SATB2: variants seen among roughly 807,000 people sequenced by gnomAD.
SATB2 encodes DNA-binding protein SATB2.
SATB2 carries 1 observed loss-of-function variant against 73.4 expected under a neutral mutation model. That is an observed-to-expected ratio of 0.01 (90% confidence interval 0.00 to 0.06). The LOEUF (loss-of-function observed/expected upper bound fraction) is 0.06. SATB2 is among the 10% of genes least tolerant of loss of function. The probability of loss-of-function intolerance (pLI) is 1.00; values close to 1 mark genes in which losing one functional copy is unlikely to be tolerated. For synonymous variants in SATB2, 397 were observed against 367.0 expected, an observed-to-expected ratio of 1.08 and a Z score of -0.93; for missense variants, 459 against 945.8, an observed-to-expected ratio of 0.49 and a Z score of 6.75.
upstream of SATB2, among the ~76,000 whole-genome samples, chr2:199,465,595 C>T (rs1469350708): frequency 6.6e-6 from 1 of 152,154 alleles, no homozygotes; most frequent in African/African-American, 2.4e-5. Context: ...ATATAAAAGA[C>T]CTTTCATGAA....
chr2:199,459,617 C>T (rs1692420132), upstream of SATB2: 5 of 152,824 alleles, frequency 3.3e-5, no homozygotes, highest in Admixed American at 3.3e-4. The surrounding 1 kb of genome is among the most constrained non-coding windows in gnomAD (Gnocchi z 4.2). Flanking sequence ...CTCCCGCACA[C>T]GTTGACTCTC....
chr2:199,326,315 T>C (rs942260456), intron 8 of SATB2, among the ~76,000 whole-genome samples: 2 of 152,178 alleles, frequency 1.3e-5, no homozygotes, highest in Non-Finnish European at 2.9e-5. Context: ...AAAACATGTT[T>C]AAATATTTAT....
chr2:199,378,604 AT>A (rs1421212452), intron 5 of SATB2, among the ~76,000 whole-genome samples: 1 of 151,946 alleles, frequency 6.6e-6, no homozygotes, highest in Non-Finnish European at 1.5e-5. Context: ...TGCCTTCTTG[AT>A]TTTTTTCGAG....
chr2:199,434,977 CAAT>C (rs1015066117), intron 2 of SATB2, among the ~76,000 whole-genome samples: 6 of 151,962 alleles, frequency 3.9e-5, no homozygotes, highest in African/African-American at 1.5e-4. Flanking sequence ...TCCTTATTAA[CAAT>C]AATAATACTC....
At chr2:199,420,727 T>C (rs1235413915) in intron 3 of SATB2, among the ~76,000 whole-genome samples, 2 of 152,142 alleles carry the variant, frequency 1.3e-5, no homozygotes, top group African/African-American at 2.4e-5. Context: ...TTGCATTAGT[T>C]TGAAGTGCAA....
rs1689732947 is a variant in SATB2, at chr2:199,380,349, C to A, written c.597+15G>T. On this transcript the variant is annotated intron_variant, in intron 5 of 10. Coordinates refer to ENST00000417098, the MANE Select transcript of SATB2 (RefSeq NM_001172509.2). ...GCTTCTTCTGTTTCCCAGACCCCCACCTGAAGATACTGACCTGGGAGAGAG... is the reference window on the plus strand; with the variant it reads ...GCTTCTTCTGTTTCCCAGACCCCCAACTGAAGATACTGACCTGGGAGAGAG... The A allele has an allele frequency of 6.2e-7, 1 of 1,613,888 alleles. No homozygotes were observed. The highest frequency in any genetic ancestry group is 1.3e-5 in the African/African-American group (1 of 75,032).
At chr2:199,330,356 G>C (rs1688151937) in intron 7 of SATB2, among the ~76,000 whole-genome samples, 1 of 152,148 alleles carries the variant, frequency 6.6e-6, no homozygotes, top group Admixed American at 6.6e-5. Context: ...AAACTTACAA[G>C]TACTATGTCA....
chr2:199,458,243 C>G (rs868307916), upstream of SATB2: 589 of 223,510 alleles, frequency 2.6e-3, 7 homozygotes, highest in African/African-American at 0.014. Flanking sequence ...GGGAGGGGGG[C>G]CCCGCCTGGC....
chr2:199,367,684 A>C (rs1689327649), intron 6 of SATB2, among the ~76,000 whole-genome samples: 1 of 152,168 alleles, frequency 6.6e-6, no homozygotes, highest in African/African-American at 2.4e-5. Flanking sequence ...AGTGTGATAA[A>C]TATGTCATAC....
chr2:199,470,209 G>A (rs1692677733), intron 1 of SATB2: 1 of 152,322 alleles, frequency 6.6e-6, no homozygotes, highest in South Asian at 2.1e-4. Context: ...CTTGTTGCCT[G>A]AGAGCCCCAT....
intron 3 of SATB2, among the ~76,000 whole-genome samples, chr2:199,431,796 G>A (rs1382281197): frequency 6.6e-6 from 1 of 152,196 alleles, no homozygotes; most frequent in Non-Finnish European, 1.5e-5. Context: ...CGCGCTGAAC[G>A]GCTGTGCTAA....
At chr2:199,335,608 TAAG>T (rs1008805710) in intron 7 of SATB2, among the ~76,000 whole-genome samples, 1 of 152,200 alleles carries the variant, frequency 6.6e-6, no homozygotes, top group Non-Finnish European at 1.5e-5. Flanking sequence ...GGAATGGTTC[TAAG>T]AAGGCAACAA....
chr2:199,341,759 C>G (rs949470524), intron 7 of SATB2, among the ~76,000 whole-genome samples: 1 of 152,200 alleles, frequency 6.6e-6, no homozygotes, highest in Non-Finnish European at 1.5e-5. Context: ...AACTACTACC[C>G]TATGGCATGA....
At chr2:199,351,204 C>T (rs552028838) in intron 6 of SATB2, among the ~76,000 whole-genome samples, 4 of 149,924 alleles carry the variant, frequency 2.7e-5, no homozygotes, top group Non-Finnish European at 5.9e-5. Flanking sequence ...TCTTGTTGCC[C>T]AGGCTATAGT....
chr2:199,347,960 T>C (rs905777933), intron 7 of SATB2: 3 of 152,208 alleles, frequency 2.0e-5, no homozygotes, highest in Non-Finnish European at 2.9e-5. Context: ...TCAGAAACTA[T>C]GGGATGAGGC....
intron 3 of SATB2, among the ~76,000 whole-genome samples, chr2:199,416,185 G>A (rs1690975322): frequency 6.6e-6 from 1 of 152,104 alleles, no homozygotes; most frequent in Non-Finnish European, 1.5e-5. Context: ...TACCAAAGGA[G>A]GTTATTTTGT....
Position 199,294,811 on chromosome 2 carries a change from G to C in SATB2, c.1740+13949C>G, listed in dbSNP as rs572426553. ...CCTTCTGCTCATTTTGATCATAACA[G>C]AAACAGGAATACCTTTCCATATTCA... On this transcript the variant is annotated intron_variant, in intron 10 of 10. Coordinates refer to ENST00000417098, the MANE Select transcript of SATB2 (RefSeq NM_001172509.2). Among the ~76,000 whole-genome samples the C allele has an allele frequency of 7.0e-4, 107 of 152,254 alleles. 1 individual carries two copies. Among genetic ancestry groups the C allele is most frequent in the African/African-American group, 1.6e-3 (68 of 41,546 alleles).
upstream of SATB2, chr2:199,459,523 G>A (rs1692413836): frequency 2.6e-5 from 4 of 152,498 alleles, no homozygotes; most frequent in South Asian, 8.3e-4. The surrounding 1 kb of genome is among the most constrained non-coding windows in gnomAD (Gnocchi z 4.2). Context: ...TTAGCCGCTA[G>A]GACCTTAGGC....
intron 8 of SATB2, chr2:199,325,243 T>G (rs1424126884): frequency 6.6e-6 from 1 of 152,210 alleles, no homozygotes; most frequent in Non-Finnish European, 1.5e-5. Flanking sequence ...GAAAGCATTT[T>G]AACATTTGTT....
Sources: gnomAD v4.1 joint callset for allele counts (sites outside exome capture counted in the v4.1 genomes callset) on GRCh38, gnomAD v4.1.1 for gene constraint, Gnocchi (gnomAD v3.1) non-coding constraint, MANE v1.5 for transcripts, NCBI Gene and HGNC (gene_info 2026-07-23, HGNC 2026-07-21) for gene names.